The following FGD4 variants were observed in gnomAD, a reference collection of about 807,000 sequenced individuals.
The protein encoded by FGD4 is FYVE, RhoGEF and PH domain-containing protein 4.
In FGD4, 42 loss-of-function variants were observed where a neutral mutation model predicts 102.0. That is an observed-to-expected ratio of 0.41 (90% CI 0.32 to 0.53). The LOEUF (loss-of-function observed/expected upper bound fraction) is 0.53, where lower values mean the gene tolerates loss of function less well. Among genes scored for constraint, FGD4 ranks in the 20% least tolerant of loss-of-function variants. The probability of loss-of-function intolerance (pLI) is 0.21; values close to 1 mark genes in which losing one functional copy is unlikely to be tolerated. For synonymous variants in FGD4, 380 were observed against 375.7 expected (o/e 1.01, Z -0.13); for missense variants, 902 against 1,078.2 (o/e 0.84, Z 2.29).
intron 1 of FGD4, among the ~76,000 whole-genome samples, chr12:32,550,643 C>G (rs1943574507): frequency 7.0e-6 from 1 of 142,890 alleles, no homozygotes; most frequent in Non-Finnish European, 1.5e-5. Context: ...TGCACTCCAG[C>G]CTGGGCGACA....
intron 14 of FGD4, among the ~76,000 whole-genome samples, chr12:32,629,016 C>G (rs527424488): frequency 8.7e-4 from 132 of 152,226 alleles, no homozygotes; most frequent in Non-Finnish European, 1.5e-3. Flanking sequence ...TCTAAAGAAC[C>G]ATGCTTCACC....
chr12:32,410,690 G>A (rs1018150377), intron 1 of FGD4, among the ~76,000 whole-genome samples: 29 of 152,000 alleles, frequency 1.9e-4, no homozygotes, highest in African/African-American at 7.0e-4. Context: ...ATGCACATCC[G>A]TTCATTGGAA....
chr12:32,528,542 A>C (rs1327471132), intron 1 of FGD4, among the ~76,000 whole-genome samples: 1 of 151,992 alleles, frequency 6.6e-6, no homozygotes, highest in East Asian at 1.9e-4. Context: ...GGTGCGCACC[A>C]CCACGCCTGG....
chr12:32,609,052 C>T (rs1948971690), intron 8 of FGD4, among the ~76,000 whole-genome samples: 1 of 152,230 alleles, frequency 6.6e-6, no homozygotes, highest in South Asian at 2.1e-4. Flanking sequence ...TTAGTAGAGA[C>T]GGGTTTTCAC....
chr12:32,408,459 G>A (rs992846795), intron 1 of FGD4, among the ~76,000 whole-genome samples: 3 of 152,038 alleles, frequency 2.0e-5, no homozygotes, highest in African/African-American at 7.2e-5. Flanking sequence ...GAGCCACCGC[G>A]CCTAGCCTAA....
At chr12:32,630,913 G>A (rs1950465527) in intron 14 of FGD4, among the ~76,000 whole-genome samples, 1 of 151,656 alleles carries the variant, frequency 6.6e-6, no homozygotes, top group African/African-American at 2.4e-5. Flanking sequence ...AGGAGGTCAA[G>A]GCTGCTGTGA....
chr12:32,521,594 A>T (rs542090187), intron 1 of FGD4, among the ~76,000 whole-genome samples: 3 of 152,224 alleles, frequency 2.0e-5, no homozygotes, highest in African/African-American at 7.2e-5. Context: ...ATTGAGTCCC[A>T]TATGGGGCTC....
intron 1 of FGD4, among the ~76,000 whole-genome samples, chr12:32,411,615 A>C (rs975106275): frequency 6.6e-6 from 1 of 152,106 alleles, no homozygotes; most frequent in Non-Finnish European, 1.5e-5. Context: ...AGATACCCCA[A>C]ATTGAAGAAT....
intron 14 of FGD4, among the ~76,000 whole-genome samples, chr12:32,632,701 A>ATTTTT (rs1241301638): frequency 8.2e-6 from 1 of 121,850 alleles, no homozygotes; most frequent in African/African-American, 3.6e-5. Context: ...TTATTTATTT[A>ATTTTT]TTTATTTATT....
chr12:32,570,156 T>C (rs1945523292), intron 2 of FGD4, among the ~76,000 whole-genome samples: 2 of 150,200 alleles, frequency 1.3e-5, no homozygotes, highest in African/African-American at 4.9e-5. Flanking sequence ...CAGCAGAATT[T>C]CTTGAACCCA....
intron 1 of FGD4, among the ~76,000 whole-genome samples, chr12:32,471,885 C>CAAGG (rs1943423835): frequency 6.6e-6 from 1 of 152,108 alleles, no homozygotes; most frequent in South Asian, 2.1e-4. Context: ...AGTAATAGGC[C>CAAGG]CAGCCTACAT....
chr12:32,520,448 T>G (rs1392452844), intron 1 of FGD4, among the ~76,000 whole-genome samples: 3 of 150,526 alleles, frequency 2.0e-5, no homozygotes, highest in African/African-American at 7.3e-5. Flanking sequence ...TTGTTTTTTT[T>G]TTTTAGAGAT....
At chr12:32,542,287 G>A (rs1165760427) in intron 1 of FGD4, among the ~76,000 whole-genome samples, 1 of 152,230 alleles carries the variant, frequency 6.6e-6, no homozygotes, top group Non-Finnish European at 1.5e-5. Flanking sequence ...TTAGCTGCTA[G>A]ATTTCAGATT....
intron 1 of FGD4, chr12:32,477,249 T>G (rs945667813): frequency 2.0e-5 from 3 of 151,272 alleles, no homozygotes; most frequent in Non-Finnish European, 4.4e-5. Flanking sequence ...GATTATGCAC[T>G]GCACTCCAGC....
intron 4 of FGD4, among the ~76,000 whole-genome samples, chr12:32,594,960 G>A (rs1947765749): frequency 6.6e-6 from 1 of 151,354 alleles, no homozygotes. Flanking sequence ...GAACCCGGTA[G>A]GCAGAGGTTG....
chr12:32,541,604 TC>T (rs1374567197), intron 1 of FGD4, among the ~76,000 whole-genome samples: 1 of 152,122 alleles, frequency 6.6e-6, no homozygotes, highest in Non-Finnish European at 1.5e-5. Context: ...GACCTGGTGA[TC>T]CGCCCGCCTC....
chr12:32,583,962 A>G (rs948303279), intron 4 of FGD4, among the ~76,000 whole-genome samples: 25 of 152,362 alleles, frequency 1.6e-4, no homozygotes, highest in African/African-American at 5.5e-4. Flanking sequence ...CTGTTCTTAC[A>G]AAGAAAAATA....
At chr12:32,636,102 AT>A (rs200237401) in intron 15 of FGD4, among the ~76,000 whole-genome samples, 13,645 of 151,974 alleles carry the variant, frequency 0.09, 752 homozygotes, top group Middle Eastern at 0.18. Context: ...CTTAATTGGA[AT>A]CTGAAGTTAG....
At chr12:32,579,985 G>C (rs1315877044) in intron 3 of FGD4, among the ~76,000 whole-genome samples, 2 of 152,218 alleles carry the variant, frequency 1.3e-5, no homozygotes, top group African/African-American at 4.8e-5. Context: ...CTTGGGACCA[G>C]GCTGCTTGCT....
Sources: gnomAD v4.1 joint callset for allele counts (sites outside exome capture counted in the v4.1 genomes callset) on GRCh38, gnomAD v4.1.1 for gene constraint, MANE v1.5 for transcripts, NCBI Gene and HGNC (gene_info 2026-07-23, HGNC 2026-07-21) for gene names.